The following ACACA variants were observed in gnomAD, a reference collection of about 807,000 sequenced individuals.
The protein encoded by ACACA is acetyl-CoA carboxylase alpha, also known as acetyl-CoA carboxylase 1.
ACACA carries 103 observed loss-of-function variants against 296.1 expected under a neutral mutation model. The observed-to-expected ratio is 0.35, with a 90% confidence interval of 0.30 to 0.41. The LOEUF (loss-of-function observed/expected upper bound fraction) is 0.41. ACACA is among the 10% of genes least tolerant of loss of function. ACACA has a pLI of 1.00. For missense variants in ACACA, 1,554 were observed against 2,989.7 expected, an observed-to-expected ratio of 0.52 and a Z score of 11.20; for synonymous variants, 953 against 1,038.6, an observed-to-expected ratio of 0.92 and a Z score of 1.58.
At chr17:37,170,747 C>A (rs1197161555) in intron 41 of ACACA, among the ~76,000 whole-genome samples, 1 of 152,146 alleles carries the variant, frequency 6.6e-6, no homozygotes, top group Non-Finnish European at 1.5e-5. Context: ...CACAAAGTGT[C>A]AACACTAATC....
chr17:37,098,492 G>T (rs1025841438), intron 52 of ACACA, among the ~76,000 whole-genome samples: 1 of 152,192 alleles, frequency 6.6e-6, no homozygotes, highest in Non-Finnish European at 1.5e-5. Flanking sequence ...GCCAAACTTG[G>T]CAAGGACCTG....
At chr17:37,247,984 G>T in intron 18 of ACACA, 27 bp downstream of exon 18, 1 of 1,613,460 alleles carries the variant, frequency 6.2e-7, no homozygotes. Flanking sequence ...AGGATGACCA[G>T]CAAATGGACC....
intron 25 of ACACA, 139 bp from the exon 26 acceptor site, chr17:37,226,591 T>A (rs1289762226): frequency 2.5e-6 from 2 of 802,046 alleles, no homozygotes; most frequent in African/African-American, 3.4e-5. Context: ...CTATTATTTT[T>A]ACCCTAAACA....
At chr17:37,395,985 TAAGTA>T (rs1318217051) in intron 1 of ACACA, among the ~76,000 whole-genome samples, 1 of 152,216 alleles carries the variant, frequency 6.6e-6, no homozygotes, top group African/African-American at 2.4e-5. Flanking sequence ...TGAATGACAT[TAAGTA>T]AACAGCCATA....
At chr17:37,355,593 C>T (rs557399783) in intron 1 of ACACA, among the ~76,000 whole-genome samples, 8 of 151,908 alleles carry the variant, frequency 5.3e-5, no homozygotes, top group Non-Finnish European at 8.8e-5. Flanking sequence ...CGGTGGCTCA[C>T]GCCCATAATC....
At position 37,240,573 on chromosome 17, in the gene ACACA, A is replaced by G. The variant is rs777292566; in HGVS notation, c.3033-9T>C. ...GGATGCCACTTCGGTACCTAGGCAA[A>G]TAGAAAGTCTCCACTGAAAAACCTG... On this transcript the variant is annotated splice_polypyrimidine_tract_variant and intron_variant, in intron 23 of 55. Transcript: ENST00000616317. The G allele has an allele frequency of 6.2e-7, 1 of 1,609,772 alleles. No individual in the cohort carries two copies. The highest frequency in any genetic ancestry group is 1.7e-5 in the Admixed American group (1 of 59,814).
chr17:37,351,211 C>T (rs1234444836), intron 1 of ACACA, among the ~76,000 whole-genome samples: 1 of 152,028 alleles, frequency 6.6e-6, no homozygotes, highest in African/African-American at 2.4e-5. Flanking sequence ...CCTGTAATCC[C>T]AGCACTTTGG....
intron 3 of ACACA, among the ~76,000 whole-genome samples, chr17:37,285,686 T>C (rs552898027): frequency 8.1e-6 from 1 of 122,930 alleles, no homozygotes; most frequent in Non-Finnish European, 1.6e-5. Flanking sequence ...AGTCGTGTGT[T>C]CCTGCAGCCC....
chr17:37,122,663 T>C (rs1158920395), intron 48 of ACACA, 36 bp from the exon 49 acceptor site: 1 of 1,546,070 alleles, frequency 6.5e-7, no homozygotes, highest in South Asian at 1.1e-5. Context: ...ACCCAATGTA[T>C]GTCAACATTA....
chr17:37,337,051 T>C (rs533087719), intron 2 of ACACA, among the ~76,000 whole-genome samples: 1 of 152,264 alleles, frequency 6.6e-6, no homozygotes, highest in South Asian at 2.1e-4. Context: ...GCAAATTTCT[T>C]GGGCCCTTCC....
chr17:37,126,224 A>C (rs2074778409), intron 47 of ACACA, among the ~76,000 whole-genome samples: 1 of 152,218 alleles, frequency 6.6e-6, no homozygotes, highest in African/African-American at 2.4e-5. Flanking sequence ...CTTTTAACTG[A>C]AGGCTAAAAA....
chr17:37,219,670 A>G (rs2079191334), intron 29 of ACACA, among the ~76,000 whole-genome samples: 1 of 148,930 alleles, frequency 6.7e-6, no homozygotes, highest in Non-Finnish European at 1.5e-5. Context: ...TTATATATAT[A>G]AAAAACATAT....
intron 10 of ACACA, among the ~76,000 whole-genome samples, chr17:37,269,168 C>A (rs1194138073): frequency 4.0e-5 from 6 of 151,708 alleles, no homozygotes; most frequent in Non-Finnish European, 8.8e-5. Flanking sequence ...GAGATAGAGT[C>A]TCACTTTATC....
chr17:37,160,546 C>T (rs1386818689), intron 42 of ACACA, among the ~76,000 whole-genome samples: 1 of 152,148 alleles, frequency 6.6e-6, no homozygotes, highest in African/African-American at 2.4e-5. Context: ...GGTTGCTAAG[C>T]TTGAATTTAA....
chr17:37,191,144 G>C lies in ACACA; in HGVS notation c.4548C>G (p.Pro1516=). ...CCTTTGATGGGTCCATGATAACCGT[G>C]GGCACAAAGTTGAGGAAGATGTGGT... ...DCNHIFLNFV[P]TVIMDPSKIE... The change falls in exon 38 of 56, where the codon CCC becomes CCG. Residue 1516 remains proline, a synonymous_variant. Coordinates refer to ENST00000616317, the MANE Select transcript of ACACA (RefSeq NM_198834.3). 1 of 1,614,056 alleles carries C rather than the reference G, an allele frequency of 6.2e-7. No individual in the cohort carries two copies. Among genetic ancestry groups the C allele is most frequent in the Non-Finnish European group, 8.5e-7 (1 of 1,179,998 alleles).
chr17:37,389,136 A>G, intron 1 of ACACA: 2 of 1,369,652 alleles, frequency 1.5e-6, no homozygotes, highest in Non-Finnish European at 2.0e-6. Context: ...AGGACTGAAT[A>G]TTTTATTTAG....
rs1214583096 is a variant in ACACA, at chr17:37,085,655, C to T, written c.*1661G>A. Reference sequence around the variant, plus strand: ...TTCCACCAGGGCAGCCGGGCTGAGGCTCTGACTCCTGGGGGCTGTCCGCTC... The same window carrying T: ...TTCCACCAGGGCAGCCGGGCTGAGGTTCTGACTCCTGGGGGCTGTCCGCTC... On this transcript the variant is annotated 3_prime_UTR_variant, in exon 56 of 56. Coordinates refer to ENST00000616317, the MANE Select transcript of ACACA (RefSeq NM_198834.3). The T allele has an allele frequency of 2.5e-6, 1 of 399,060 alleles. No homozygotes were observed. Among genetic ancestry groups the T allele is most frequent in the East Asian group, 3.6e-5 (1 of 28,092 alleles). 24.7% of individuals were successfully genotyped at this position (399,060 alleles called of 1,614,324 possible).
At chr17:37,186,341 A>G (rs1311278154) in intron 39 of ACACA, among the ~76,000 whole-genome samples, 3 of 152,168 alleles carry the variant, frequency 2.0e-5, no homozygotes, top group Non-Finnish European at 2.9e-5. Context: ...GAAACAAATC[A>G]TTTGTCTTCT....
chr17:37,087,603 A>G (rs1331745371), intron 55 of ACACA, among the ~76,000 whole-genome samples, 164 bp from the exon 56 acceptor site: 1 of 152,232 alleles, frequency 6.6e-6, no homozygotes, highest in African/African-American at 2.4e-5. Flanking sequence ...CAGCCAAGGT[A>G]GTGCAAGACA....
Sources: allele counts gnomAD v4.1 joint callset (sites outside exome capture counted in the v4.1 genomes callset), GRCh38; gene constraint gnomAD v4.1.1; transcripts MANE v1.5; gene names NCBI Gene and HGNC (gene_info 2026-07-23, HGNC 2026-07-21).